TMEM221: variants seen among roughly 807,000 people sequenced by gnomAD.
TMEM221 encodes the protein transmembrane protein 221.
Under a neutral mutation model 10.2 loss-of-function variants are expected in TMEM221, and 11 were observed. The observed-to-expected ratio is 1.08, with a 90% CI of 0.68 to 1.79. TMEM221 has a LOEUF of 1.79. Among genes scored for constraint, TMEM221 ranks in the 40% most tolerant of loss-of-function variants. TMEM221 has a pLI of 0.00. For missense variants in TMEM221, 382 were observed against 417.7 expected (o/e 0.91, Z 0.75); for synonymous variants, 172 against 199.8 (o/e 0.86, Z 1.18).
In TMEM221 at chr19:17,448,596, CG is replaced by C. The variant is rs1472668042; in HGVS notation, c.-135del. On this transcript the variant is annotated 5_prime_UTR_variant, in exon 1 of 3. Transcript: ENST00000341130. The surrounding 1 kb of genome is among the most constrained non-coding windows in gnomAD (Gnocchi z 4.7). ...GGGCCGCAGGGAGTGTCTGAAAGTTCGGGGACTGGGCTGGGGGTCGCCAGAC... is the reference window on the plus strand; with the variant it reads ...GGGCCGCAGGGAGTGTCTGAAAGTTCGGGACTGGGCTGGGGGTCGCCAGAC... 1.8e-6 allele frequency: 1 copy of C among 561,308 alleles called. No homozygotes were observed. Among genetic ancestry groups the C allele is most frequent in the African/African-American group, 2.0e-5 (1 of 49,902 alleles). The allele number at this position is 561,308 out of a possible 1,614,324, so 34.8% of individuals were successfully genotyped here.
rs1319280103 is a variant in TMEM221 at position 17,445,766 on chromosome 19, CCACTTATCCATCCATCCATT to C, written c.321-502_321-483del. Among the ~76,000 whole-genome samples, 103 of 152,052 alleles carry C rather than the reference CCACTTATCCATCCATCCATT, an allele frequency of 6.8e-4. No individual in the cohort carries two copies. In the East Asian group the frequency reaches 0.016, roughly 24 times the overall value. On this transcript the variant is annotated intron_variant, in intron 1 of 2. Coordinates refer to ENST00000341130, the MANE Select transcript of TMEM221 (RefSeq NM_001190844.2). ...TCCATACTTCCACTCATCCATCCAT[CCACTTATCCATCCATCCATT>C]CACTTATCCATCCATCAAACCAGTC...
At chr19:17,446,925 A>G (rs1324051431) in intron 1 of TMEM221, among the ~76,000 whole-genome samples, 1 of 151,940 alleles carries the variant, frequency 6.6e-6, no homozygotes, top group Non-Finnish European at 1.5e-5. Flanking sequence ...TTGTAGAGGC[A>G]AGGTCTTGCT....
intron 2 of TMEM221, among the ~76,000 whole-genome samples, chr19:17,444,532 T>TC (rs1348090510): frequency 1.4e-5 from 2 of 140,870 alleles, no homozygotes; most frequent in African/African-American, 5.3e-5. Context: ...TTTTTTTTTT[T>TC]TTTTTTAATG....
intron 1 of TMEM221, among the ~76,000 whole-genome samples, chr19:17,445,878 C>T (rs574983471): frequency 8.6e-5 from 13 of 151,864 alleles, no homozygotes; most frequent in South Asian, 6.3e-4. Flanking sequence ...ATCCATCCAT[C>T]GGCCCCACCC....
intron 2 of TMEM221, among the ~76,000 whole-genome samples, chr19:17,441,829 C>CTTTTTTT (rs78570249): frequency 8.0e-6 from 1 of 124,834 alleles, no homozygotes. Context: ...AGGCCAAGGA[C>CTTTTTTT]TTTTTTTTTT....
chr19:17,437,001 CA>C, intron 2 of TMEM221, 74 bp from the exon 3 acceptor site: 2 of 1,189,632 alleles, frequency 1.7e-6, no homozygotes, highest in Non-Finnish European at 2.2e-6. Context: ...AGTTCTTGCA[CA>C]CAGGGAGAAA....
In TMEM221 at chr19:17,436,893, G is replaced by A. The variant is rs77119740; in HGVS notation, c.441C>T (p.Ile147=). ...TGGAAGCAGCTGCTGCGCCTGTCTC[G>A]ATCTCGAAAAGTAGCAAGGCATAGA... ...LSIYALLLFE[I]ETGAAAASIL... Residue 147 remains isoleucine (I), a synonymous_variant, in exon 3 of 3, where the codon ATC becomes ATT. Coordinates refer to ENST00000341130, the MANE Select transcript of TMEM221 (RefSeq NM_001190844.2). 0.014 allele frequency: 19,807 copies of A among 1,429,674 alleles called. 1,240 individuals are homozygous for A. In the African/African-American group the frequency reaches 0.18, roughly 13 times the overall value. 88.6% of individuals were successfully genotyped at this position (1,429,674 alleles called of 1,614,324 possible).
chr19:17,440,385 C>A (rs1415349130), intron 2 of TMEM221, among the ~76,000 whole-genome samples: 1 of 152,048 alleles, frequency 6.6e-6, no homozygotes, highest in African/African-American at 2.4e-5. Flanking sequence ...CGCCACCACA[C>A]CCGGCTAATT....
chr19:17,448,282 C>G lies in TMEM221; in HGVS notation c.181G>C (p.Glu61Gln). 8.2e-7 allele frequency: 1 copy of G among 1,226,188 alleles called. No homozygotes were observed. The allele number at this position is 1,226,188 out of a possible 1,614,324, so 76.0% of individuals were successfully genotyped here. ...QELGAGPGLP[E>Q]DAAGTLLPLA... ...GGCAGCAGCGTCCCGGCCGCGTCCT[C>G]TGGCAGCCCGGGGCCGGCGCCCAGC... Residue 61 changes from glutamate (E) to glutamine (Q), a missense_variant, in exon 1 of 3, where the codon GAG (glutamate) becomes CAG (glutamine). Physicochemically the swap from Glu to Gln is conservative, Grantham distance 29. Coordinates refer to ENST00000341130, the MANE Select transcript of TMEM221 (RefSeq NM_001190844.2). This position sits in a 1 kb window ranked among gnomAD's most constrained non-coding sequence, Gnocchi z 4.7.
Position 17,436,193 on chromosome 19 carries a change from A to C in TMEM221, c.*265T>G. 4.6e-6 allele frequency: 2 copies of C among 435,198 alleles called. No individual in the cohort carries two copies. Among genetic ancestry groups the C allele is most frequent in the Non-Finnish European group, 8.2e-6 (2 of 243,382 alleles). 27.0% of individuals were successfully genotyped at this position (435,198 alleles called of 1,614,324 possible). ...ATTTCGCTCTGTTCTGGCCAGTGGG[A>C]TATAAAAAGAAGGGTTTCGAGGCTT... is the stretch of plus-strand genomic sequence containing the variant. On this transcript the variant is annotated 3_prime_UTR_variant, in exon 3 of 3. Transcript: ENST00000341130.
At chr19:17,440,515 G>A (rs753890212) in intron 2 of TMEM221, among the ~76,000 whole-genome samples, 1 of 152,064 alleles carries the variant, frequency 6.6e-6, no homozygotes, top group Admixed American at 6.6e-5. Context: ...GTGAGCCACC[G>A]CGTCCGGCCT....
At position 17,436,612 on chromosome 19, in the gene TMEM221, G is replaced by T; in HGVS notation, c.722C>A (p.Ala241Asp). Residue 241 changes from alanine to aspartate, a missense_variant, in exon 3 of 3, where the codon GCC (alanine) becomes GAC (aspartate). Transcript: ENST00000341130. The stretch of plus-strand genomic sequence containing the variant: ...GCTGCTCTCCCAGCCTCCCTCCAGG[G>T]CTGCAGGTGCTGTGGCAGTGGCCAT... The part of the protein sequence containing the change: ...GSMATATAPA[A>D]LEGGWESSLP... The T allele has an allele frequency of 2.6e-6, 4 of 1,536,142 alleles. No homozygotes were observed. The highest frequency in any genetic ancestry group is 3.5e-6 in the Non-Finnish European group (4 of 1,146,898).
In TMEM221 at chr19:17,436,486, C is replaced by T. The variant is rs1311689699; in HGVS notation, c.848G>A (p.Ser283Asn). The T allele has an allele frequency of 3.3e-6, 5 of 1,529,206 alleles. No homozygotes were observed. Among genetic ancestry groups the T allele is most frequent in the Non-Finnish European group, 4.4e-6 (5 of 1,141,966 alleles). 94.7% of individuals were successfully genotyped at this position (1,529,206 alleles called of 1,614,324 possible). A position where few individuals can be genotyped will look rare whatever the true frequency, so the allele number is the denominator to read the frequency against. Reference sequence around the variant, plus strand: ...CACCAGTGTGGAGTCCTTCCCCATGCTCCCTGGTCTGTGGCCCAGCATTCG... The same window carrying T: ...CACCAGTGTGGAGTCCTTCCCCATGTTCCCTGGTCTGTGGCCCAGCATTCG... Reference protein sequence around the residue: ...MRRMLGHRPGSMGKDSTLV With the variant: ...MRRMLGHRPGNMGKDSTLV The change falls in exon 3 of 3, where the codon AGC becomes AAC. Residue 283 changes from serine to asparagine, a missense_variant. Physicochemically the swap from Ser to Asn is conservative, Grantham distance 46. Coordinates refer to ENST00000341130, the MANE Select transcript of TMEM221 (RefSeq NM_001190844.2).
chr19:17,441,469 A>G (rs1006705932), intron 2 of TMEM221, among the ~76,000 whole-genome samples: 3 of 152,066 alleles, frequency 2.0e-5, no homozygotes, highest in African/African-American at 7.2e-5. Flanking sequence ...CCCTATCTCT[A>G]CACTGCAGAG....
Position 17,448,400 on chromosome 19 carries a change from G to A in TMEM221, c.63C>T (p.Ala21=), listed in dbSNP as rs1249927995. ...AAMTLLGIAA[A]VLAALGAQLL... is the part of the protein sequence containing the mutation. ...GCTGCGCGCCCAGCGCCGCCAGCAC[G>A]GCCGCCGCGATGCCCAGCAGGGTCA... Residue 21 remains alanine (A), a synonymous_variant, in exon 1 of 3, where the codon GCC becomes GCT. Coordinates refer to ENST00000341130, the MANE Select transcript of TMEM221 (RefSeq NM_001190844.2). The surrounding 1 kb of genome is among the most constrained non-coding windows in gnomAD (Gnocchi z 4.7). The A allele has an allele frequency of 1.6e-5, 24 of 1,459,664 alleles. No homozygotes were observed. Among genetic ancestry groups the A allele is most frequent in the South Asian group, 2.6e-5 (2 of 76,820 alleles). 90.4% of individuals were successfully genotyped at this position (1,459,664 alleles called of 1,614,324 possible).
intron 1 of TMEM221, 147 bp from the exon 2 acceptor site, chr19:17,445,431 A>G: frequency 1.7e-6 from 1 of 578,666 alleles, no homozygotes; most frequent in Non-Finnish European, 3.1e-6. Flanking sequence ...CCTAACCATC[A>G]TCCATCTACT....
intron 1 of TMEM221, among the ~76,000 whole-genome samples, chr19:17,445,823 C>CATTCATTCATCCATCCACTTATCA (rs1568399208): frequency 6.6e-6 from 1 of 151,868 alleles, no homozygotes; most frequent in Non-Finnish European, 1.5e-5. Context: ...TCCATCCACT[C>CATTCATTCATCCATCCACTTATCA]ATTCATTCAT....
chr19:17,446,205 T>C (rs4808081), intron 1 of TMEM221, among the ~76,000 whole-genome samples: 54,693 of 110,472 alleles, frequency 0.5, 10,485 homozygotes, highest in Non-Finnish European at 0.53. Flanking sequence ...TCCATCCATC[T>C]ATCCATCCAT....
chr19:17,437,185 C>A (rs1248457752), intron 2 of TMEM221, among the ~76,000 whole-genome samples: 1 of 152,210 alleles, frequency 6.6e-6, no homozygotes, highest in Non-Finnish European at 1.5e-5. Flanking sequence ...GGGATTTTAA[C>A]CCAGGCTGGT....
Sources: allele counts gnomAD v4.1 joint callset (sites outside exome capture counted in the v4.1 genomes callset), GRCh38; gene constraint gnomAD v4.1.1; non-coding constraint Gnocchi (gnomAD v3.1); transcripts MANE v1.5; gene names NCBI Gene and HGNC (gene_info 2026-07-23, HGNC 2026-07-21).